The following GADL1 variants were observed in gnomAD, a reference collection of about 807,000 sequenced individuals.
The protein encoded by GADL1 is acidic amino acid decarboxylase GADL1.
In GADL1, 71 loss-of-function variants were observed where a neutral mutation model predicts 69.5. The observed-to-expected ratio is 1.02, with a 90% CI of 0.84 to 1.25. GADL1 has a LOEUF of 1.25. Ranked by LOEUF, GADL1 falls within the 50% of genes most tolerant of loss-of-function variation. The pLI is 0.00. For missense variants in GADL1, 737 were observed against 631.8 expected (o/e 1.17, Z -1.79); for synonymous variants, 254 against 214.4 (o/e 1.18, Z -1.62).
At chr3:30,762,762 C>T (rs1357535591) in intron 14 of GADL1, among the ~76,000 whole-genome samples, 3 of 152,132 alleles carry the variant, frequency 2.0e-5, no homozygotes, top group African/African-American at 7.2e-5. Context: ...ACTATCCTTC[C>T]CACTCTCTGG....
At position 30,854,752 on chromosome 3, in the gene GADL1, A is replaced by G; in HGVS notation, c.375T>C (p.Leu125=). The G allele has an allele frequency of 6.5e-7, 1 of 1,549,862 alleles. No individual in the cohort carries two copies. The highest frequency in any genetic ancestry group is 8.7e-7 in the Non-Finnish European group (1 of 1,145,620). ...PRFFNQLYAG[L]DYYSLVARFM... is the part of the protein sequence containing the mutation. ...ATCGGGCCACCAAGGAGTAATAATCAAGTCCAGCATACAATTGGTTGAAAA... is the reference window on the plus strand; with the variant it reads ...ATCGGGCCACCAAGGAGTAATAATCGAGTCCAGCATACAATTGGTTGAAAA... Residue 125 remains leucine, a synonymous_variant, in exon 4 of 15, where the codon CTT becomes CTC. Coordinates refer to ENST00000282538, the MANE Select transcript of GADL1 (RefSeq NM_207359.3).
intron 14 of GADL1, among the ~76,000 whole-genome samples, chr3:30,734,770 C>T (rs1013048634): frequency 6.6e-6 from 1 of 152,158 alleles, no homozygotes; most frequent in South Asian, 2.1e-4. Flanking sequence ...CCAAATGAGA[C>T]ATCTTACATA....
At chr3:30,847,763 T>C (rs1698081483) in intron 6 of GADL1, among the ~76,000 whole-genome samples, 1 of 152,198 alleles carries the variant, frequency 6.6e-6, no homozygotes, top group African/African-American at 2.4e-5. Flanking sequence ...CCAAGGCATA[T>C]ATTTTGCCTC....
intron 12 of GADL1, among the ~76,000 whole-genome samples, chr3:30,789,854 C>T (rs1346249979): frequency 6.6e-6 from 1 of 152,192 alleles, no homozygotes; most frequent in South Asian, 2.1e-4. Flanking sequence ...TAGGGTCTTG[C>T]TCTGAATTGG....
At chr3:30,759,666 T>C (rs1696074720) in intron 14 of GADL1, among the ~76,000 whole-genome samples, 1 of 152,118 alleles carries the variant, frequency 6.6e-6, no homozygotes, top group Non-Finnish European at 1.5e-5. Flanking sequence ...ACCATCTTTA[T>C]TTGTGGTAGA....
At chr3:30,873,739 T>C (rs1353274) in intron 1 of GADL1, among the ~76,000 whole-genome samples, 32,032 of 151,858 alleles carry the variant, frequency 0.21, 3,933 homozygotes, top group East Asian at 0.33. Flanking sequence ...GGGTGCCTCA[T>C]TTGCATCATC....
rs531129814 is a variant in GADL1 at position 30,851,459 on chromosome 3, G to GT, written c.429-519dup. On this transcript the variant is annotated intron_variant, in intron 4 of 14. Coordinates refer to ENST00000282538, the MANE Select transcript of GADL1 (RefSeq NM_207359.3). ...TGTCTGTATAAATGAGGAGTGTTTT[G>GT]TGAGACATCTCTTATGTGATAATTT... Among the ~76,000 whole-genome samples, 424 of 152,262 alleles carry GT rather than the reference G, an allele frequency of 2.8e-3. 1 individual carries two copies. The highest frequency in any genetic ancestry group is 4.5e-3 in the Non-Finnish European group (303 of 68,018).
At chr3:30,767,348 GTA>G (rs1696305783) in intron 14 of GADL1, among the ~76,000 whole-genome samples, 1 of 152,130 alleles carries the variant, frequency 6.6e-6, no homozygotes, top group Non-Finnish European at 1.5e-5. Context: ...GGAGGATAGA[GTA>G]TTAGCAGATT....
chr3:30,811,158 G>C (rs531882348), intron 11 of GADL1, among the ~76,000 whole-genome samples: 1 of 152,164 alleles, frequency 6.6e-6, no homozygotes, highest in Non-Finnish European at 1.5e-5. Context: ...TACAAGATCT[G>C]AGATATTTTC....
intron 12 of GADL1, 56 bp from the exon 13 acceptor site, chr3:30,786,462 C>T: frequency 1.1e-6 from 1 of 919,854 alleles, no homozygotes. Context: ...GTGTCATGAA[C>T]ATGACTGATA....
At chr3:30,771,057 TACA>T (rs773344602) in intron 14 of GADL1, among the ~76,000 whole-genome samples, 2 of 152,328 alleles carry the variant, frequency 1.3e-5, no homozygotes, top group African/African-American at 4.8e-5. Context: ...AACATGCGCA[TACA>T]ACAAGAATTT....
chr3:30,863,400 T>C (rs1468243896), intron 1 of GADL1, among the ~76,000 whole-genome samples: 1 of 151,976 alleles, frequency 6.6e-6, no homozygotes, highest in African/African-American at 2.4e-5. Flanking sequence ...AGACTGTACA[T>C]GCCGATCATT....
chr3:30,894,432 A>T, intron 1 of GADL1, 146 bp downstream of exon 1: 1 of 566,808 alleles, frequency 1.8e-6, no homozygotes, highest in Non-Finnish European at 3.1e-6. Context: ...ACGGAGAAAA[A>T]ATCCATGAAG....
chr3:30,800,734 A>G (rs1697140891), intron 12 of GADL1, 155 bp downstream of exon 12: 1 of 658,770 alleles, frequency 1.5e-6, no homozygotes, highest in African/African-American at 1.8e-5. Flanking sequence ...AATAATGCAC[A>G]AATGAAAACA....
At chr3:30,795,310 A>G (rs1366197388) in intron 12 of GADL1, among the ~76,000 whole-genome samples, 2 of 152,190 alleles carry the variant, frequency 1.3e-5, no homozygotes, top group African/African-American at 4.8e-5. Flanking sequence ...GCACATGGTT[A>G]GAAGACTGAA....
At chr3:30,759,829 A>G (rs1045928196) in intron 14 of GADL1, among the ~76,000 whole-genome samples, 2 of 152,174 alleles carry the variant, frequency 1.3e-5, no homozygotes, top group East Asian at 3.8e-4. Flanking sequence ...GGGCTTAGTT[A>G]TGAGATTCAC....
At chr3:30,766,628 G>A (rs1024986642) in intron 14 of GADL1, among the ~76,000 whole-genome samples, 2 of 152,122 alleles carry the variant, frequency 1.3e-5, no homozygotes, top group African/African-American at 4.8e-5. Context: ...CCACAAAGAT[G>A]AAGCCAGAAC....
chr3:30,752,668 CTG>C (rs1282160925), intron 14 of GADL1, among the ~76,000 whole-genome samples: 1 of 152,126 alleles, frequency 6.6e-6, no homozygotes, highest in African/African-American at 2.4e-5. Context: ...CTTCATAGCA[CTG>C]TGACAGTAGC....
chr3:30,849,898 T>G, intron 6 of GADL1, 98 bp downstream of exon 6: 1 of 707,562 alleles, frequency 1.4e-6, no homozygotes, highest in East Asian at 2.6e-5. Context: ...ATTAGTCACA[T>G]GGGTATAGGA....
Sources: allele counts gnomAD v4.1 joint callset (sites outside exome capture counted in the v4.1 genomes callset), GRCh38; gene constraint gnomAD v4.1.1; transcripts MANE v1.5; gene names NCBI Gene and HGNC (gene_info 2026-07-23, HGNC 2026-07-21).